The following JMJD1C variants were observed in gnomAD, a reference collection of about 807,000 sequenced individuals.
The protein encoded by JMJD1C is jumonji domain containing 1C, also known as jumonji domain-containing protein 1C.
A neutral mutation model predicts 245.3 loss-of-function variants in JMJD1C; 31 were observed. The observed-to-expected ratio is 0.13, with a 90% CI of 0.09 to 0.17. The LOEUF (loss-of-function observed/expected upper bound fraction) is 0.17. Among genes scored for constraint, JMJD1C ranks in the 10% least tolerant of loss-of-function variants. JMJD1C has a pLI of 1.00. For missense variants in JMJD1C, 2,691 were observed against 3,000.2 expected, an observed-to-expected ratio of 0.90 and a Z score of 2.41; for synonymous variants, 1,057 against 1,017.4, an observed-to-expected ratio of 1.04 and a Z score of -0.74.
chr10:63,234,517 A>C (rs1223658127), intron 3 of JMJD1C, among the ~76,000 whole-genome samples: 53 of 148,474 alleles, frequency 3.6e-4, no homozygotes, highest in Non-Finnish European at 6.5e-4. Flanking sequence ...AAAAAAAAAA[A>C]AAAACACCAA....
chr10:63,289,576 A>G (rs1858398624), intron 2 of JMJD1C, among the ~76,000 whole-genome samples: 1 of 152,226 alleles, frequency 6.6e-6, no homozygotes, highest in African/African-American at 2.4e-5. Flanking sequence ...GAATAGTGAC[A>G]AGCTCTACTT....
chr10:63,363,732 G>A (rs575098439), intron 2 of JMJD1C, among the ~76,000 whole-genome samples: 1 of 152,192 alleles, frequency 6.6e-6, no homozygotes, highest in East Asian at 1.9e-4. Flanking sequence ...TGTCACCCAT[G>A]CTGGAGTGCA....
In JMJD1C at chr10:63,215,601, A is replaced by T. The variant is rs1847888601; in HGVS notation, c.774T>A (p.Ile258=). Residue 258 remains isoleucine (I), a synonymous_variant, in exon 6 of 26, where the codon ATT becomes ATA. Coordinates refer to ENST00000399262, the MANE Select transcript of JMJD1C (RefSeq NM_032776.3). ...HSLLKGENIG[I]TSRRRSRANQ... ...TGGCACGAGACCTGCGTCGTGATGT[A>T]ATGCCAATATTTTCACCTTTTAACA... The T allele has an allele frequency of 1.9e-6, 3 of 1,611,544 alleles. No homozygotes were observed. The highest frequency in any genetic ancestry group is 2.5e-6 in the Non-Finnish European group (3 of 1,177,728).
chr10:63,380,611 A>G lies in JMJD1C; in HGVS notation c.169-129T>C, dbSNP rs183964954. On this transcript the variant is annotated intron_variant, in intron 1 of 25. Transcript: ENST00000399262. ...ATCGTGATACATGCACACAATGTGT[A>G]ATGATCAAATCAGGGTAATTAGAAT... 1,270 of 663,984 alleles carry G rather than the reference A, an allele frequency of 1.9e-3. 5 individuals are homozygous for G. The highest frequency in any genetic ancestry group is 3.8e-3 in the Middle Eastern group (9 of 2,372). 41.1% of individuals were successfully genotyped at this position (663,984 alleles called of 1,614,324 possible). A position where few individuals can be genotyped will look rare whatever the true frequency, so the allele number is the denominator to read the frequency against.
At chr10:63,289,941 T>C (rs2133933124) in intron 2 of JMJD1C, among the ~76,000 whole-genome samples, 1 of 151,562 alleles carries the variant, frequency 6.6e-6, no homozygotes, top group Non-Finnish European at 1.5e-5. Context: ...AATAAAAGAG[T>C]ATGAAAATCA....
At chr10:63,263,996 ACACACACACAC>A (rs1855191156) in intron 3 of JMJD1C, among the ~76,000 whole-genome samples, 1 of 149,398 alleles carries the variant, frequency 6.7e-6, no homozygotes, top group African/African-American at 2.5e-5. Context: ...ACACACACAC[ACACACACACAC>A]AATTCTGTGA....
intron 1 of JMJD1C, among the ~76,000 whole-genome samples, chr10:63,474,443 CT>C (rs563616455): frequency 3.1e-4 from 45 of 146,736 alleles, no homozygotes; most frequent in African/African-American, 8.2e-4. Context: ...ATAAAAACAC[CT>C]TTTTTTTTTG....
At chr10:63,383,631 T>C (rs146613756) in intron 1 of JMJD1C, among the ~76,000 whole-genome samples, 11 of 152,050 alleles carry the variant, frequency 7.2e-5, no homozygotes, top group African/African-American at 2.4e-4. Flanking sequence ...GCCAGGGAGG[T>C]TGAGGCTGCA....
At chr10:63,168,265 A>T in intron 25 of JMJD1C, 131 bp from the exon 26 acceptor site, 4 of 990,222 alleles carry the variant, frequency 4.0e-6, no homozygotes, top group Non-Finnish European at 6.0e-6. Flanking sequence ...TGAAAGTGTT[A>T]AGCCAAAAGG....
intron 1 of JMJD1C, among the ~76,000 whole-genome samples, chr10:63,400,685 C>T (rs1948793469): frequency 6.6e-6 from 1 of 152,228 alleles, no homozygotes; most frequent in South Asian, 2.1e-4. Flanking sequence ...GCCTCAGCCT[C>T]CCGAGTAGCT....
chr10:63,288,534 G>A (rs574741326), intron 2 of JMJD1C, among the ~76,000 whole-genome samples: 70 of 152,128 alleles, frequency 4.6e-4, no homozygotes, highest in Non-Finnish European at 7.6e-4. Flanking sequence ...GTATCTTATG[G>A]TCTAATCTGT....
chr10:63,293,904 G>C (rs924237995), intron 2 of JMJD1C, among the ~76,000 whole-genome samples: 1 of 151,942 alleles, frequency 6.6e-6, no homozygotes, highest in African/African-American at 2.4e-5. Flanking sequence ...ATGGCTCTAA[G>C]TATTATCTAT....
In JMJD1C at chr10:63,268,220, G is replaced by A. The variant is rs1442287936; in HGVS notation, c.334-3456C>T. Among the ~76,000 whole-genome samples, 36 of 95,612 alleles carry A rather than the reference G, an allele frequency of 3.8e-4. No individual in the cohort carries two copies. In the East Asian group the frequency reaches 9.7e-3, roughly 26 times the overall value. 62.7% of individuals were successfully genotyped at this position (95,612 alleles called of 152,430 possible). A position where few individuals can be genotyped will look rare whatever the true frequency, so the allele number is the denominator to read the frequency against. On this transcript the variant is annotated intron_variant, in intron 2 of 25. Transcript: ENST00000399262. Reference sequence around the variant, plus strand: ...ACCTAAGCAACATTTTAGAAGTTAAGATTTAGTCTACCAAAAAAAAAAAAA... The same window carrying A: ...ACCTAAGCAACATTTTAGAAGTTAAAATTTAGTCTACCAAAAAAAAAAAAA...
intron 2 of JMJD1C, among the ~76,000 whole-genome samples, chr10:63,324,890 T>G (rs933697872): frequency 3.9e-5 from 6 of 152,204 alleles, no homozygotes; most frequent in African/African-American, 1.4e-4. Flanking sequence ...TGAGTTAAAT[T>G]GTAAATTGCT....
chr10:63,444,048 A>G (rs3999089), intron 1 of JMJD1C, among the ~76,000 whole-genome samples: 62,972 of 152,074 alleles, frequency 0.41, 13,854 homozygotes, highest in South Asian at 0.53. Flanking sequence ...ATGTTAGCCT[A>G]CAACACTGAC....
chr10:63,213,665 T>C lies in JMJD1C; in HGVS notation c.2502A>G (p.Gln834=), dbSNP rs2133213597. 1.2e-6 allele frequency: 2 copies of C among 1,614,184 alleles called. No individual in the cohort carries two copies. The highest frequency in any genetic ancestry group is 1.7e-6 in the Non-Finnish European group (2 of 1,180,014). ...GAGGTGACTGGTGCTGTAACAACTG[T>C]TGTTGTTGCTGGTGTGCTAGCGCTA... ...SHLALAHQQQ[Q]QLLQHQSPHL... is the part of the protein sequence containing the mutation. The change falls in exon 8 of 26, where the codon CAA becomes CAG. Residue 834 remains glutamine, a synonymous_variant. Transcript: ENST00000399262.
At chr10:63,178,219 G>A (rs1159585161) in intron 22 of JMJD1C, among the ~76,000 whole-genome samples, 1 of 152,144 alleles carries the variant, frequency 6.6e-6, no homozygotes, top group African/African-American at 2.4e-5. Context: ...AGGATTACAG[G>A]CATGAGACAC....
chr10:63,269,165 T>C, intron 2 of JMJD1C: 1 of 985,444 alleles, frequency 1.0e-6, no homozygotes, highest in South Asian at 4.7e-5. Context: ...CTGTACTCTG[T>C]CTGCGTGGAA....
intron 1 of JMJD1C, among the ~76,000 whole-genome samples, chr10:63,397,015 T>C (rs1948543895): frequency 6.6e-6 from 1 of 150,450 alleles, no homozygotes; most frequent in Non-Finnish European, 1.5e-5. Flanking sequence ...AGAAAGCTTT[T>C]CTAAGACTAT....
Sources: gnomAD v4.1 joint callset for allele counts (sites outside exome capture counted in the v4.1 genomes callset) on GRCh38, gnomAD v4.1.1 for gene constraint, MANE v1.5 for transcripts, NCBI Gene and HGNC (gene_info 2026-07-23, HGNC 2026-07-21) for gene names.